Variants in SAMD5 observed in about 807,000 individuals in gnomAD.
The protein encoded by SAMD5 is sterile alpha motif domain-containing protein 5.
A neutral mutation model predicts 11.3 loss-of-function variants in SAMD5; 13 were observed. The observed-to-expected ratio is 1.15, with a 90% confidence interval of 0.75 to 1.83. SAMD5 has a LOEUF of 1.83. SAMD5 is among the 40% of genes most tolerant of loss of function. The pLI, the probability that SAMD5 is intolerant of heterozygous loss-of-function variation, is 0.00. For missense variants in SAMD5, 255 were observed against 239.1 expected, an observed-to-expected ratio of 1.07 and a Z score of -0.44; for synonymous variants, 129 against 111.3, an observed-to-expected ratio of 1.16 and a Z score of -1.00.
chr6:147,804,249 A>G, the SAMD5 span, among the ~76,000 whole-genome samples: 4 of 151,762 alleles, frequency 2.6e-5, no homozygotes, highest in Admixed American at 2.0e-4. Flanking sequence ...CTGGGACTAC[A>G]GGTGCACACC....
At chr6:147,884,093 G>A in the SAMD5 span, among the ~76,000 whole-genome samples, 3 of 151,984 alleles carry the variant, frequency 2.0e-5, no homozygotes, top group South Asian at 6.3e-4. Context: ...TTTTCATGCA[G>A]TCATTTTTCC....
intron 1 of SAMD5, among the ~76,000 whole-genome samples, chr6:147,624,141 A>T (rs1790013807): frequency 6.6e-6 from 1 of 152,240 alleles, no homozygotes; most frequent in African/African-American, 2.4e-5. Flanking sequence ...AAGTGCTGGG[A>T]TTACAGGCGA....
At chr6:147,880,966 C>T in the SAMD5 span, among the ~76,000 whole-genome samples, 10 of 152,094 alleles carry the variant, frequency 6.6e-5, no homozygotes, top group Non-Finnish European at 8.8e-5. Context: ...GGCCTGAATA[C>T]CCTAGACACT....
the SAMD5 span, among the ~76,000 whole-genome samples, chr6:147,756,007 G>A: frequency 1.6e-4 from 25 of 152,064 alleles, no homozygotes; most frequent in Admixed American, 1.4e-3. Context: ...CCTATATTAC[G>A]TTTTTTAGTA....
the SAMD5 span, among the ~76,000 whole-genome samples, chr6:147,954,288 A>T: frequency 6.6e-6 from 1 of 152,216 alleles, no homozygotes; most frequent in Non-Finnish European, 1.5e-5. Context: ...CCATTTTAGG[A>T]TACCAGATTG....
chr6:147,673,316 C>T (rs1478706299), intron 1 of SAMD5, among the ~76,000 whole-genome samples: 1 of 152,026 alleles, frequency 6.6e-6, no homozygotes, highest in Non-Finnish European at 1.5e-5. Context: ...TGGGTTCACG[C>T]CATTCTCCTG....
the SAMD5 span, among the ~76,000 whole-genome samples, chr6:147,903,008 A>G: frequency 6.6e-6 from 1 of 152,200 alleles, no homozygotes; most frequent in East Asian, 1.9e-4. Context: ...TTCATTTGCC[A>G]GAAAAGATCT....
At chr6:147,791,284 C>T in the SAMD5 span, among the ~76,000 whole-genome samples, 2 of 150,456 alleles carry the variant, frequency 1.3e-5, no homozygotes, top group Admixed American at 6.6e-5. Flanking sequence ...AGTAAGACCC[C>T]GTCTCAAATA....
At chr6:147,746,204 G>T in the SAMD5 span, among the ~76,000 whole-genome samples, 1 of 152,188 alleles carries the variant, frequency 6.6e-6, no homozygotes, top group Non-Finnish European at 1.5e-5. Context: ...GCTGGGCACA[G>T]AATGAATGTT....
chr6:147,567,099 T>C lies in SAMD5; in HGVS notation c.*2643T>C, dbSNP rs1327728851. ...TAATATTGAGGAGTCTGGAGGGTCA[T>C]AGCAAAATTTTCTTTAGTTCATCTT... On this transcript the variant is annotated 3_prime_UTR_variant, in exon 2 of 2. Coordinates refer to ENST00000367474, the MANE Select transcript of SAMD5 (RefSeq NM_001030060.3). 7.1e-6 allele frequency: 7 copies of C among 980,866 alleles called. No individual in the cohort carries two copies. The highest frequency in any genetic ancestry group is 1.8e-5 in the African/African-American group (1 of 57,116). 60.8% of individuals were successfully genotyped at this position (980,866 alleles called of 1,614,324 possible).
intron 1 of SAMD5, among the ~76,000 whole-genome samples, chr6:147,669,678 G>A (rs187884369): frequency 6.6e-6 from 1 of 151,876 alleles, no homozygotes; most frequent in African/African-American, 2.4e-5. Flanking sequence ...TAATCCCCTC[G>A]CCTCAGCCTC....
the SAMD5 span, among the ~76,000 whole-genome samples, chr6:147,863,246 G>A: frequency 2.6e-5 from 4 of 152,110 alleles, no homozygotes; most frequent in African/African-American, 7.2e-5. Context: ...AACTCACGTT[G>A]GGGACTTAGA....
chr6:147,540,728 T>C (rs1788586517), intron 1 of SAMD5, among the ~76,000 whole-genome samples: 1 of 151,788 alleles, frequency 6.6e-6, no homozygotes, highest in African/African-American at 2.4e-5. Flanking sequence ...ATCAAACCCT[T>C]GCAGAGAGAC....
chr6:147,751,242 C>T, the SAMD5 span, among the ~76,000 whole-genome samples: 528 of 152,254 alleles, frequency 3.5e-3, 4 homozygotes, highest in African/African-American at 0.012. Flanking sequence ...AATTGCAACT[C>T]CCCCTTGCTC....
Position 147,513,733 on chromosome 6 carries a change from G to A in SAMD5, c.459+4346G>A, listed in dbSNP as rs150411862. Among the ~76,000 whole-genome samples, 135 of 152,266 alleles carry A rather than the reference G, an allele frequency of 8.9e-4. 1 individual carries two copies. In the Middle Eastern group the frequency reaches 0.024, roughly 27 times the overall value. On this transcript the variant is annotated intron_variant, in intron 1 of 1. Transcript: ENST00000367474. Reference sequence around the variant, plus strand: ...GTCAATAGTGTGGAGAGATTGACAAGGGTAAGCAGAGGGTAGGTGGTAAGC... The same window carrying A: ...GTCAATAGTGTGGAGAGATTGACAAAGGTAAGCAGAGGGTAGGTGGTAAGC...
intron 1 of SAMD5, among the ~76,000 whole-genome samples, chr6:147,636,231 T>G (rs2128451839): frequency 6.6e-6 from 1 of 152,240 alleles, no homozygotes; most frequent in South Asian, 2.1e-4. Context: ...GGAGAGGATA[T>G]TATGACAGTG....
At chr6:147,882,496 CTTGAGCCCAGGAA>C in the SAMD5 span, among the ~76,000 whole-genome samples, 1 of 152,188 alleles carries the variant, frequency 6.6e-6, no homozygotes, top group Non-Finnish European at 1.5e-5. Flanking sequence ...AGAATGATCA[CTTGAGCCCAGGAA>C]TTCCAGGCTG....
intron 1 of SAMD5, among the ~76,000 whole-genome samples, chr6:147,522,597 G>A (rs552918951): frequency 6.6e-6 from 1 of 152,310 alleles, no homozygotes; most frequent in South Asian, 2.1e-4. Flanking sequence ...AGTGTGAGAT[G>A]AGGAATTCAT....
chr6:147,604,890 T>C lies in SAMD5; in HGVS notation c.162+95503T>C, dbSNP rs141360633. On this transcript the variant is annotated intron_variant, in intron 1 of 1. Transcript: ENST00000566741. ...AGAATAGCATAATGACTTTTAAAAA[T>C]TTAATAAAAAAGATAGTGGGGAACT... is the stretch of plus-strand genomic sequence containing the variant. Among the ~76,000 whole-genome samples the C allele has an allele frequency of 2.0e-3, 308 of 152,270 alleles. 9 individuals carry two copies. In the South Asian group the frequency reaches 0.033, roughly 16 times the overall value.
Sources: gnomAD v4.1 joint callset for allele counts (sites outside exome capture counted in the v4.1 genomes callset) on GRCh38, gnomAD v4.1.1 for gene constraint, MANE v1.5 for transcripts, NCBI Gene and HGNC (gene_info 2026-07-23, HGNC 2026-07-21) for gene names.